OGFOD3: variants seen among roughly 807,000 people sequenced by gnomAD.
The protein encoded by OGFOD3 is 2-oxoglutarate and iron-dependent oxygenase domain-containing protein 3.
OGFOD3 carries 35 observed loss-of-function variants against 39.8 expected under a neutral mutation model. The ratio of observed to expected loss-of-function variants is 0.88; its 90% CI spans 0.67 to 1.17. The LOEUF (loss-of-function observed/expected upper bound fraction) is 1.17. Ranked by LOEUF, OGFOD3 falls within the 50% of genes most tolerant of loss-of-function variation. The pLI, the probability that OGFOD3 is intolerant of heterozygous loss-of-function variation, is 0.00. For synonymous variants in OGFOD3, 200 were observed against 192.0 expected (o/e 1.04, Z -0.34); for missense variants, 438 against 454.5 (o/e 0.96, Z 0.33).
At chr17:82,416,978 A>G (rs1209123291) in intron 1 of OGFOD3, among the ~76,000 whole-genome samples, 4 of 152,176 alleles carry the variant, frequency 2.6e-5, no homozygotes, top group Non-Finnish European at 5.9e-5. Context: ...CTCAGCCTCA[A>G]AAGTCTATAT....
rs1009747321 is a variant in OGFOD3, at chr17:82,389,583, G to A, written c.*2815C>T. ...AGTGGAGCCGTCACAGCTCACTGTAGCCTCGACCTCCTGGGCTCAAGCAGT... is the reference window on the plus strand; with the variant it reads ...AGTGGAGCCGTCACAGCTCACTGTAACCTCGACCTCCTGGGCTCAAGCAGT... On this transcript the variant is annotated 3_prime_UTR_variant, in exon 9 of 9. Coordinates refer to ENST00000313056, the MANE Select transcript of OGFOD3 (RefSeq NM_024648.3). This position sits in a 1 kb window ranked among gnomAD's most constrained non-coding sequence, Gnocchi z 4.6. 2.6e-5 allele frequency: 4 copies of A among 152,190 alleles called. No homozygotes were observed. The highest frequency in any genetic ancestry group is 5.9e-5 in the Non-Finnish European group (4 of 68,030). 9.4% of individuals were successfully genotyped at this position (152,190 alleles called of 1,614,324 possible). A position where few individuals can be genotyped will look rare whatever the true frequency, so the allele number is the denominator to read the frequency against.
At chr17:82,409,907 A>AAGAG (rs71908507) in intron 3 of OGFOD3, among the ~76,000 whole-genome samples, 40 of 150,220 alleles carry the variant, frequency 2.7e-4, no homozygotes, top group African/African-American at 3.4e-4. Flanking sequence ...AAGAAAGAAA[A>AAGAG]AGAGAGAGAG....
chr17:82,397,840 GTC>G (rs1449507203), intron 8 of OGFOD3, among the ~76,000 whole-genome samples: 2 of 152,120 alleles, frequency 1.3e-5, no homozygotes. Flanking sequence ...TAGGTTGCGA[GTC>G]TCTTTGAGAA....
intron 2 of OGFOD3, among the ~76,000 whole-genome samples, chr17:82,413,581 A>C (rs1339554650): frequency 1.3e-5 from 2 of 152,122 alleles, no homozygotes; most frequent in Non-Finnish European, 2.9e-5. Flanking sequence ...TAATAATAAA[A>C]ATTAGAGGCC....
At chr17:82,418,172 C>A (rs892500657) in intron 1 of OGFOD3, 36 of 384,756 alleles carry the variant, frequency 9.4e-5, no homozygotes, top group African/African-American at 7.5e-4. Flanking sequence ...CCTTCTCTTT[C>A]TCCTGCCCCT....
chr17:82,413,889 A>AAG, intron 2 of OGFOD3, among the ~76,000 whole-genome samples: 1 of 151,846 alleles, frequency 6.6e-6, no homozygotes, highest in East Asian at 1.9e-4. Flanking sequence ...AAAAAAAAAA[A>AAG]AAAGAAGAAA....
At chr17:82,411,182 G>T (rs979447574) in intron 3 of OGFOD3, among the ~76,000 whole-genome samples, 1 of 151,450 alleles carries the variant, frequency 6.6e-6, no homozygotes, top group Non-Finnish European at 1.5e-5. Flanking sequence ...GAGTAGCTGG[G>T]ACTACAGGCA....
chr17:82,403,840 C>T (rs1599694130), intron 7 of OGFOD3, 97 bp downstream of exon 7: 2 of 1,466,878 alleles, frequency 1.4e-6, no homozygotes, highest in Non-Finnish European at 1.8e-6. Flanking sequence ...ACCTTGTCCA[C>T]GAGCGCGCTC....
At chr17:82,409,754 C>T (rs963934292) in intron 3 of OGFOD3, among the ~76,000 whole-genome samples, 1 of 152,112 alleles carries the variant, frequency 6.6e-6, no homozygotes, top group Non-Finnish European at 1.5e-5. Flanking sequence ...AATTAGCCAG[C>T]TGTGATGGCA....
chr17:82,408,718 C>T (rs2052895399), intron 4 of OGFOD3, among the ~76,000 whole-genome samples: 2 of 152,246 alleles, frequency 1.3e-5, no homozygotes, highest in Non-Finnish European at 2.9e-5. Context: ...CTCCCCCTGC[C>T]TCTGTCTCCT....
chr17:82,403,843 G>A, intron 7 of OGFOD3, 94 bp downstream of exon 7: 1 of 1,476,270 alleles, frequency 6.8e-7, no homozygotes, highest in Non-Finnish European at 9.1e-7. Flanking sequence ...TTGTCCACGA[G>A]CGCGCTCACC....
At position 82,392,256 on chromosome 17, in the gene OGFOD3, G is replaced by C. The variant is rs926154972; in HGVS notation, c.*142C>G. 4.3e-6 allele frequency: 4 copies of C among 920,392 alleles called. No homozygotes were observed. The highest frequency in any genetic ancestry group is 4.8e-6 in the Non-Finnish European group (3 of 619,972). The allele number at this position is 920,392 out of a possible 1,614,324, so 57.0% of individuals were successfully genotyped here. On this transcript the variant is annotated 3_prime_UTR_variant, in exon 9 of 9. Transcript: ENST00000313056. The surrounding 1 kb of genome is among the most constrained non-coding windows in gnomAD (Gnocchi z 4.2). ...CCCTTCATTTACTCACAGATGAAAA[G>C]ATTAACACGTCAGCAAATCAAAATC...
At chr17:82,411,991 G>T (rs2052953419) in intron 2 of OGFOD3, among the ~76,000 whole-genome samples, 1 of 150,754 alleles carries the variant, frequency 6.6e-6, no homozygotes, top group Non-Finnish European at 1.5e-5. Flanking sequence ...ACCCTCCTGA[G>T]ACCACCAGAG....
chr17:82,396,629 C>A (rs1423930555), intron 8 of OGFOD3: 1 of 152,188 alleles, frequency 6.6e-6, no homozygotes, highest in Admixed American at 6.5e-5. Flanking sequence ...CTTAAAATGA[C>A]TAAGATCAAA....
Position 82,404,131 on chromosome 17 carries a change from G to A in OGFOD3, c.546-41C>T, listed in dbSNP as rs1246132716. 2 of 1,525,804 alleles carry A rather than the reference G, an allele frequency of 1.3e-6. No homozygotes were observed. The highest frequency in any genetic ancestry group is 1.4e-5 in the African/African-American group (1 of 73,538). 94.5% of individuals were successfully genotyped at this position (1,525,804 alleles called of 1,614,324 possible). ...TAGCCGTCAGCGCAGCCCCAGGCGG[G>A]AGGGGACGCTCGTGGGTCCCAACCC... On this transcript the variant is annotated intron_variant, in intron 6 of 8. Transcript: ENST00000313056. The surrounding 1 kb of genome is among the most constrained non-coding windows in gnomAD (Gnocchi z 4.5).
At chr17:82,405,099 G>A (rs2052833625) in intron 6 of OGFOD3, among the ~76,000 whole-genome samples, 1 of 152,210 alleles carries the variant, frequency 6.6e-6, no homozygotes, top group Non-Finnish European at 1.5e-5. Flanking sequence ...AAGAGGTTCT[G>A]ACCAGGATGC....
chr17:82,412,879 TG>T (rs2052973868), intron 2 of OGFOD3, among the ~76,000 whole-genome samples: 1 of 152,188 alleles, frequency 6.6e-6, no homozygotes, highest in African/African-American at 2.4e-5. Flanking sequence ...AAGCCAGCCC[TG>T]AGCCTGGACG....
rs184323040 is a variant in OGFOD3 at position 82,397,966 on chromosome 17, G to A, written c.823+230C>T. ...CTGTCAAGGTGACACACACCAGGGC[G>A]TGGAGGGGGGCTCTGCCGCTGACTG... is the stretch of plus-strand genomic sequence containing the variant. On this transcript the variant is annotated intron_variant, in intron 8 of 8. Transcript: ENST00000313056. Among the ~76,000 whole-genome samples the A allele has an allele frequency of 2.3e-4, 35 of 152,252 alleles. No individual in the cohort carries two copies. In the East Asian group the frequency reaches 4.2e-3, roughly 18 times the overall value.
At chr17:82,398,724 C>CT (rs2052717555) in intron 7 of OGFOD3, among the ~76,000 whole-genome samples, 1 of 149,818 alleles carries the variant, frequency 6.7e-6, no homozygotes, top group African/African-American at 2.5e-5. Flanking sequence ...TAGGGTATCG[C>CT]TTTTTTTACA....
Sources: gnomAD v4.1 joint callset for allele counts (sites outside exome capture counted in the v4.1 genomes callset) on GRCh38, gnomAD v4.1.1 for gene constraint, Gnocchi (gnomAD v3.1) non-coding constraint, MANE v1.5 for transcripts, NCBI Gene and HGNC (gene_info 2026-07-23, HGNC 2026-07-21) for gene names.